The following A1CF variants were observed in gnomAD, a reference collection of about 807,000 sequenced individuals.
The protein encoded by A1CF is APOBEC1 complementation factor, also known as APOBEC-1 stimulating protein.
A neutral mutation model predicts 68.9 loss-of-function variants in A1CF; 48 were observed. That is an observed-to-expected ratio of 0.70 (90% CI 0.55 to 0.89). A1CF has a LOEUF of 0.89. Ranked by LOEUF, A1CF falls within the 40% of genes least tolerant of loss-of-function variation. A1CF has a pLI of 0.00. For synonymous variants in A1CF, 272 were observed against 260.4 expected (o/e 1.04, Z -0.43); for missense variants, 653 against 718.9 (o/e 0.91, Z 1.05).
rs1484045673 is a variant in A1CF, at chr10:50,814,043, A to G, written c.1142-5T>C. Reference sequence around the variant, plus strand: ...GTCCTCTCACTCCCGCAGCCCCTACAGGTACATTCATGTAAATTTCTAGGA... The same window carrying G: ...GTCCTCTCACTCCCGCAGCCCCTACGGGTACATTCATGTAAATTTCTAGGA... On this transcript the variant is annotated splice_region_variant and splice_polypyrimidine_tract_variant and intron_variant, in intron 9 of 12. Transcript: ENST00000373997. 6.2e-7 allele frequency: 1 copy of G among 1,613,228 alleles called. No homozygotes were observed. The highest frequency in any genetic ancestry group is 1.1e-5 in the South Asian group (1 of 91,048).
intron 3 of A1CF, 79 bp from the exon 4 acceptor site, chr10:50,844,201 A>G: frequency 6.5e-7 from 1 of 1,549,760 alleles, no homozygotes; most frequent in Non-Finnish European, 8.8e-7. Flanking sequence ...ATTTTTCAAA[A>G]TAATTTCACA....
At chr10:50,856,485 A>G (rs1840481526) in intron 3 of A1CF, among the ~76,000 whole-genome samples, 1 of 152,114 alleles carries the variant, frequency 6.6e-6, no homozygotes. Flanking sequence ...ATATTACTTA[A>G]AGTGAATCAT....
At chr10:50,879,101 T>C (rs1023538199) in intron 1 of A1CF, among the ~76,000 whole-genome samples, 3 of 152,222 alleles carry the variant, frequency 2.0e-5, no homozygotes, top group African/African-American at 4.8e-5. Context: ...CTAATTTGTA[T>C]TTTAACAAAA....
At chr10:50,854,225 CTT>C (rs1217950953) in intron 3 of A1CF, among the ~76,000 whole-genome samples, 2 of 151,746 alleles carry the variant, frequency 1.3e-5, no homozygotes, top group Non-Finnish European at 2.9e-5. Flanking sequence ...AGAGATTATA[CTT>C]TGTTATTTTA....
intron 1 of A1CF, among the ~76,000 whole-genome samples, chr10:50,876,103 A>G (rs1389860844): frequency 6.6e-6 from 1 of 152,190 alleles, no homozygotes; most frequent in East Asian, 1.9e-4. Flanking sequence ...TATTCTTTCT[A>G]TAATTTCCCT....
At position 50,833,661 on chromosome 10, in the gene A1CF, G is replaced by T. The variant is rs543512682; in HGVS notation, c.604+2413C>A. Among the ~76,000 whole-genome samples, 5 of 152,276 alleles carry T rather than the reference G, an allele frequency of 3.3e-5. No homozygotes were observed. In the East Asian group the frequency reaches 9.6e-4, roughly 29 times the overall value. On this transcript the variant is annotated intron_variant, in intron 6 of 12. Coordinates refer to ENST00000373997, the MANE Select transcript of A1CF (RefSeq NM_014576.4). ...CAGTCTCCTTGTTCTTTTAAACTAG[G>T]TTCTCAAAGGGTTGGCAATTAAAGA...
rs1156675355 is a variant in A1CF at position 50,802,345 on chromosome 10, G to A, written c.*4384C>T. On this transcript the variant is annotated 3_prime_UTR_variant, in exon 13 of 13. Transcript: ENST00000373997. ...CTGATTGACAATGGTTGCACGTCAGGTAGGAATATTTACTGCCTAGTTTCT... is the reference window on the plus strand; with the variant it reads ...CTGATTGACAATGGTTGCACGTCAGATAGGAATATTTACTGCCTAGTTTCT... The A allele has an allele frequency of 6.6e-6, 1 of 152,172 alleles. No homozygotes were observed. The highest frequency in any genetic ancestry group is 1.5e-5 in the Non-Finnish European group (1 of 68,002). 9.4% of individuals were successfully genotyped at this position (152,172 alleles called of 1,614,324 possible).
At chr10:50,845,514 A>G (rs1435346154) in intron 3 of A1CF, among the ~76,000 whole-genome samples, 1 of 152,198 alleles carries the variant, frequency 6.6e-6, no homozygotes, top group African/African-American at 2.4e-5. Flanking sequence ...AGCCCAGATA[A>G]ATTAATTTGC....
intron 7 of A1CF, among the ~76,000 whole-genome samples, chr10:50,826,534 C>A (rs1030456365): frequency 6.6e-6 from 1 of 152,054 alleles, no homozygotes; most frequent in Non-Finnish European, 1.5e-5. Context: ...CCAAACTAAG[C>A]TTCATAAGCA....
intron 5 of A1CF, 25 bp from the exon 6 acceptor site, chr10:50,836,337 T>C (rs1328458478): frequency 6.2e-7 from 1 of 1,601,200 alleles, no homozygotes; most frequent in African/African-American, 1.3e-5. Flanking sequence ...GGGATTTTGA[T>C]TGATGAGAAT....
Position 50,800,093 on chromosome 10 carries a change from T to G in A1CF, c.*6636A>C, listed in dbSNP as rs546302494. The G allele has an allele frequency of 8.5e-5, 13 of 152,264 alleles. No homozygotes were observed. The East Asian group carries it at 2.5e-3, about 29-fold the overall frequency. The allele number at this position is 152,264 out of a possible 1,614,324, so 9.4% of individuals were successfully genotyped here. On this transcript the variant is annotated 3_prime_UTR_variant, in exon 13 of 13. Transcript: ENST00000373997. Reference sequence around the variant, plus strand: ...AAAGGCATGTCTAAGTCTTGTGATATAGATTTTAAAATTTTATAAACACAA... The same window carrying G: ...AAAGGCATGTCTAAGTCTTGTGATAGAGATTTTAAAATTTTATAAACACAA...
At chr10:50,859,810 G>A in intron 3 of A1CF, 32 bp downstream of exon 3, 1 of 1,588,476 alleles carries the variant, frequency 6.3e-7, no homozygotes, top group Non-Finnish European at 8.6e-7. Flanking sequence ...CAAATTCAGT[G>A]GTGAGTCTCA....
At chr10:50,809,535 G>A (rs1038501240) in intron 12 of A1CF, among the ~76,000 whole-genome samples, 6 of 152,196 alleles carry the variant, frequency 3.9e-5, no homozygotes, top group Non-Finnish European at 8.8e-5. Context: ...GACCATTTAA[G>A]TGAGTGCCTA....
intron 3 of A1CF, among the ~76,000 whole-genome samples, chr10:50,856,091 C>T (rs1026862089): frequency 2.6e-5 from 4 of 151,966 alleles, no homozygotes; most frequent in African/African-American, 7.2e-5. Flanking sequence ...GCTACCCTTT[C>T]GACCAAATAG....
chr10:50,859,345 G>C (rs962092474), intron 3 of A1CF, among the ~76,000 whole-genome samples: 1 of 152,132 alleles, frequency 6.6e-6, no homozygotes, highest in Non-Finnish European at 1.5e-5. Context: ...AAAATGCTAA[G>C]CATGGAGACA....
chr10:50,875,076 T>C (rs1841447725), intron 1 of A1CF, among the ~76,000 whole-genome samples: 2 of 152,284 alleles, frequency 1.3e-5, no homozygotes, highest in Admixed American at 1.3e-4. Flanking sequence ...TAATTGAATT[T>C]ATTCCACCAG....
chr10:50,814,054 T>C lies in A1CF; in HGVS notation c.1142-16A>G. ...CCCGCAGCCCCTACAGGTACATTCATGTAAATTTCTAGGAACGTAAGAAGG... is the reference window on the plus strand; with the variant it reads ...CCCGCAGCCCCTACAGGTACATTCACGTAAATTTCTAGGAACGTAAGAAGG... On this transcript the variant is annotated splice_polypyrimidine_tract_variant and intron_variant, in intron 9 of 12. Transcript: ENST00000373997. 1.9e-6 allele frequency: 3 copies of C among 1,612,724 alleles called. No homozygotes were observed. Among genetic ancestry groups the C allele is most frequent in the Non-Finnish European group, 2.5e-6 (3 of 1,179,530 alleles).
chr10:50,841,864 A>G lies in A1CF; in HGVS notation c.363T>C (p.Ile121=), dbSNP rs767952647. Residue 121 remains isoleucine, a splice_region_variant and synonymous_variant, in exon 5 of 13, where the codon ATT becomes ATC. Coordinates refer to ENST00000373997, the MANE Select transcript of A1CF (RefSeq NM_014576.4). ...NAIKQLNNYE[I]RNGRLLGVCA... is the part of the protein sequence containing the mutation. ...AATCTAGAAGAGGCGGAGCTTACCTAATTTCATAATTATTAAGTTGCTTGA... is the reference window on the plus strand; with the variant it reads ...AATCTAGAAGAGGCGGAGCTTACCTGATTTCATAATTATTAAGTTGCTTGA... 1 of 1,612,788 alleles carries G rather than the reference A, an allele frequency of 6.2e-7. No homozygotes were observed. The highest frequency in any genetic ancestry group is 8.5e-7 in the Non-Finnish European group (1 of 1,179,666).
At chr10:50,845,908 G>T (rs1398701087) in intron 3 of A1CF, among the ~76,000 whole-genome samples, 1 of 147,056 alleles carries the variant, frequency 6.8e-6, no homozygotes, top group Non-Finnish European at 1.5e-5. Context: ...GAACTGAGAT[G>T]TTGTCACTGC....
Sources: gnomAD v4.1 joint callset for allele counts (sites outside exome capture counted in the v4.1 genomes callset) on GRCh38, gnomAD v4.1.1 for gene constraint, MANE v1.5 for transcripts, NCBI Gene and HGNC (gene_info 2026-07-23, HGNC 2026-07-21) for gene names.